PCNX1: variants seen among roughly 807,000 people sequenced by gnomAD.
The protein encoded by PCNX1 is pecanex 1.
PCNX1 carries 78 observed loss-of-function variants against 242.2 expected under a neutral mutation model. The observed-to-expected ratio is 0.32, with a 90% confidence interval of 0.27 to 0.39. The LOEUF (loss-of-function observed/expected upper bound fraction) is 0.39, where lower values mean the gene tolerates loss of function less well. PCNX1 is among the 10% of genes least tolerant of loss of function. PCNX1 has a pLI of 1.00. For missense variants in PCNX1, 2,581 were observed against 2,856.5 expected (o/e 0.90, Z 2.20); for synonymous variants, 1,024 against 1,032.9 (o/e 0.99, Z 0.17).
At chr14:71,030,556 C>T (rs1483541139) in intron 16 of PCNX1, among the ~76,000 whole-genome samples, 3 of 152,142 alleles carry the variant, frequency 2.0e-5, no homozygotes, top group Non-Finnish European at 4.4e-5. Flanking sequence ...AAGAAAACAG[C>T]GGTCCCTTTA....
chr14:70,958,453 A>G (rs2058073440), intron 2 of PCNX1, among the ~76,000 whole-genome samples: 1 of 152,196 alleles, frequency 6.6e-6, no homozygotes, highest in African/African-American at 2.4e-5. Flanking sequence ...GTTTAAGGGA[A>G]TTTACTACTC....
chr14:70,914,665 C>T (rs537268280), intron 1 of PCNX1, among the ~76,000 whole-genome samples: 26 of 152,238 alleles, frequency 1.7e-4, no homozygotes, highest in African/African-American at 5.3e-4. Context: ...TTGTACCCAC[C>T]ACCTGGATTC....
intron 11 of PCNX1, among the ~76,000 whole-genome samples, 155 bp downstream of exon 11, chr14:71,013,357 A>G (rs1425639225): frequency 6.6e-6 from 1 of 152,232 alleles, no homozygotes; most frequent in Admixed American, 6.5e-5. Flanking sequence ...ATGGGTTTCT[A>G]AACAGTGACT....
At chr14:70,987,763 T>C (rs2059042456) in intron 6 of PCNX1, among the ~76,000 whole-genome samples, 1 of 152,230 alleles carries the variant, frequency 6.6e-6, no homozygotes. Context: ...ATTGTTGTGA[T>C]GTTCTCATGT....
chr14:71,015,141 A>G (rs2059927394), intron 11 of PCNX1, among the ~76,000 whole-genome samples: 2 of 152,216 alleles, frequency 1.3e-5, no homozygotes, highest in Non-Finnish European at 2.9e-5. Context: ...AGACATCTTC[A>G]GATCAGAAAA....
At chr14:71,007,908 A>G (rs2059711918) in intron 8 of PCNX1, among the ~76,000 whole-genome samples, 1 of 152,078 alleles carries the variant, frequency 6.6e-6, no homozygotes, top group Non-Finnish European at 1.5e-5. Flanking sequence ...TAGCTCATTA[A>G]TCCAGTTTCT....
chr14:70,945,006 C>A (rs1319532290), intron 1 of PCNX1, among the ~76,000 whole-genome samples: 2 of 152,150 alleles, frequency 1.3e-5, no homozygotes, highest in Non-Finnish European at 2.9e-5. Flanking sequence ...GGTATTTCTT[C>A]ATAGCAGCAT....
At position 71,115,086 on chromosome 14, in the gene PCNX1, TGATTCTAGGA is replaced by T. The variant is rs1224442686; in HGVS notation, c.*5152_*5161del. ...GAAATGGAAGGAGGAATATTGAAAA[TGATTCTAGGA>T]AAGTGAACGTAAGAAAGGAAAATGG... is the stretch of plus-strand genomic sequence containing the variant. On this transcript the variant is annotated 3_prime_UTR_variant, in exon 36 of 36. Coordinates refer to ENST00000304743, the MANE Select transcript of PCNX1 (RefSeq NM_014982.3). 2 of 152,270 alleles carry T rather than the reference TGATTCTAGGA, an allele frequency of 1.3e-5. No homozygotes were observed. Among genetic ancestry groups the T allele is most frequent in the African/African-American group, 4.8e-5 (2 of 41,324 alleles). 9.4% of individuals were successfully genotyped at this position (152,270 alleles called of 1,614,324 possible).
At chr14:71,026,373 C>G (rs1045512782) in intron 14 of PCNX1, 85 bp downstream of exon 14, 3 of 824,592 alleles carry the variant, frequency 3.6e-6, no homozygotes, top group African/African-American at 3.5e-5. Flanking sequence ...AATTATACAG[C>G]TTTAGTTTTT....
chr14:71,101,916 T>TC (rs2062472807), intron 30 of PCNX1, 74 bp from the exon 31 acceptor site: 1 of 768,494 alleles, frequency 1.3e-6, no homozygotes, highest in East Asian at 2.8e-5. Context: ...TTTAAGAACT[T>TC]TCACTTAGTA....
intron 30 of PCNX1, 51 bp downstream of exon 30, chr14:71,089,393 T>C (rs748072235): frequency 7.5e-7 from 1 of 1,326,914 alleles, no homozygotes; most frequent in Non-Finnish European, 1.1e-6. Flanking sequence ...CTGATCCTTC[T>C]TCACATGATT....
rs1461783450 is a variant in PCNX1 at position 70,977,583 on chromosome 14, G to A, written c.1246G>A (p.Glu416Lys). The A allele has an allele frequency of 6.2e-7, 1 of 1,614,202 alleles. No individual in the cohort carries two copies. Among genetic ancestry groups the A allele is most frequent in the Non-Finnish European group, 8.5e-7 (1 of 1,180,042 alleles). The change falls in exon 6 of 36, where the codon GAG (glutamate) becomes AAG (lysine). Residue 416 changes from glutamate to lysine, a missense_variant. Coordinates refer to ENST00000304743, the MANE Select transcript of PCNX1 (RefSeq NM_014982.3). ...SSTHIESILS[E>K]HEESPKAGTK... ...AACTCACATAGAGAGCATCCTGTCAGAGCATGAGGAGTCTCCTAAAGCAGG... is the reference window on the plus strand; with the variant it reads ...AACTCACATAGAGAGCATCCTGTCAAAGCATGAGGAGTCTCCTAAAGCAGG...
At chr14:70,966,356 A>AG (rs1249992929) in intron 3 of PCNX1, among the ~76,000 whole-genome samples, 1 of 152,206 alleles carries the variant, frequency 6.6e-6, no homozygotes, top group East Asian at 1.9e-4. Context: ...GCCTAACGTT[A>AG]GGCCTCTGGA....
At chr14:71,030,064 CGTT>C (rs2140909125) in intron 16 of PCNX1, among the ~76,000 whole-genome samples, 1 of 152,242 alleles carries the variant, frequency 6.6e-6, no homozygotes, top group East Asian at 1.9e-4. Flanking sequence ...TTTCCAAAGT[CGTT>C]GTGCTGGACA....
chr14:70,927,196 T>G (rs915768528), intron 1 of PCNX1, among the ~76,000 whole-genome samples: 8 of 152,208 alleles, frequency 5.3e-5, no homozygotes, highest in African/African-American at 1.9e-4. Flanking sequence ...TTAACATTCC[T>G]TAGTAGAATA....
chr14:71,102,280 A>ATT (rs564636619), intron 31 of PCNX1, 60 bp downstream of exon 31: 239 of 1,023,242 alleles, frequency 2.3e-4, no homozygotes, highest in Non-Finnish European at 2.7e-4. Flanking sequence ...TTGATCTAAA[A>ATT]TTTTTTTTTT....
chr14:71,084,377 T>C (rs2061931598), intron 28 of PCNX1, among the ~76,000 whole-genome samples: 1 of 152,354 alleles, frequency 6.6e-6, no homozygotes, highest in South Asian at 2.1e-4. Flanking sequence ...GCTCAAGTGC[T>C]GTGCTGGGAG....
chr14:71,094,052 A>G (rs1433801560), intron 30 of PCNX1, among the ~76,000 whole-genome samples: 2 of 152,214 alleles, frequency 1.3e-5, no homozygotes, highest in Non-Finnish European at 2.9e-5. Flanking sequence ...TTTAGAGTGC[A>G]TAGGGATAGG....
intron 1 of PCNX1, among the ~76,000 whole-genome samples, chr14:70,918,992 T>A (rs1199369429): frequency 6.6e-6 from 1 of 151,898 alleles, no homozygotes; most frequent in Admixed American, 6.6e-5. Flanking sequence ...TGGATCCTCC[T>A]GTCTCAGCTT....
Sources: gnomAD v4.1 joint callset for allele counts (sites outside exome capture counted in the v4.1 genomes callset) on GRCh38, gnomAD v4.1.1 for gene constraint, MANE v1.5 for transcripts, NCBI Gene and HGNC (gene_info 2026-07-23, HGNC 2026-07-21) for gene names.